The following GPM6A variants were observed in gnomAD, a reference collection of about 807,000 sequenced individuals.
GPM6A encodes the protein neuronal membrane glycoprotein M6-a.
Under a neutral mutation model 32.1 loss-of-function variants are expected in GPM6A, and 7 were observed. The ratio of observed to expected loss-of-function variants is 0.22; its 90% CI spans 0.12 to 0.41. The LOEUF (loss-of-function observed/expected upper bound fraction) is 0.41. Ranked by LOEUF, GPM6A falls within the 10% of genes least tolerant of loss-of-function variation. GPM6A has a pLI of 1.00. For missense variants in GPM6A, 235 were observed against 347.2 expected (o/e 0.68, Z 2.57); for synonymous variants, 130 against 123.4 (o/e 1.05, Z -0.35).
At chr4:175,956,768 A>C (rs762509671) in intron 1 of GPM6A, among the ~76,000 whole-genome samples, 12 of 151,900 alleles carry the variant, frequency 7.9e-5, no homozygotes, top group Non-Finnish European at 1.3e-4. Context: ...AATTTAATGT[A>C]ATTTTAATCC....
At position 175,746,895 on chromosome 4, in the gene GPM6A, T is replaced by C. The variant is rs73006347; in HGVS notation, c.38-45128A>G. 2.9e-3 allele frequency among the ~76,000 whole-genome samples: 435 copies of C among 152,296 alleles called. 3 individuals are homozygous for C. The highest frequency in any genetic ancestry group is 9.8e-3 in the African/African-American group (407 of 41,568). ...TTTGTGTGATGATTAGCAAGTACTA[T>C]AATTTGGAAAATTGTAACCCATTAA... On this transcript the variant is annotated intron_variant, in intron 1 of 6. Coordinates refer to ENST00000393658, the MANE Select transcript of GPM6A (RefSeq NM_201591.3).
chr4:175,919,675 C>G (rs1738604609), intron 1 of GPM6A, among the ~76,000 whole-genome samples: 1 of 152,176 alleles, frequency 6.6e-6, no homozygotes, highest in African/African-American at 2.4e-5. Context: ...CTCCTTCTCT[C>G]TCACATTAAC....
chr4:175,702,377 T>C (rs895293248), intron 1 of GPM6A, among the ~76,000 whole-genome samples: 1 of 152,216 alleles, frequency 6.6e-6, no homozygotes, highest in Non-Finnish European at 1.5e-5. Flanking sequence ...TAGACTATTT[T>C]TAACTATAAT....
chr4:175,949,596 T>C (rs1450850351), intron 1 of GPM6A, among the ~76,000 whole-genome samples: 2 of 152,228 alleles, frequency 1.3e-5, no homozygotes, highest in South Asian at 2.1e-4. Flanking sequence ...TCAAGGGCTG[T>C]TAAGCTGAAC....
In GPM6A at chr4:175,927,098, T is replaced by C. The variant is rs117340121; in HGVS notation, c.-23+75211A>G. Among the ~76,000 whole-genome samples, 63 of 152,376 alleles carry C rather than the reference T, an allele frequency of 4.1e-4. No individual in the cohort carries two copies. In the East Asian group the frequency reaches 0.011, roughly 27 times the overall value. On this transcript the variant is annotated intron_variant, in intron 1 of 7. Coordinates refer to the GPM6A transcript ENST00000280187. ...ATAATTTAAAATAAGTGTACACCTG[T>C]TGGATATGCATGTGGAAAATGTTTT...
intron 2 of GPM6A, among the ~76,000 whole-genome samples, chr4:175,684,593 A>G (rs546159337): frequency 6.6e-6 from 1 of 152,196 alleles, no homozygotes; most frequent in Non-Finnish European, 1.5e-5. Context: ...CTTTTTTTCA[A>G]AATGGCTGTC....
chr4:175,962,010 A>G (rs1007213494), intron 1 of GPM6A: 6 of 586,516 alleles, frequency 1.0e-5, no homozygotes, highest in Admixed American at 7.5e-5. Context: ...GGGGAGCACA[A>G]CTGAAAATGT....
chr4:175,874,437 T>A (rs1737015986), intron 1 of GPM6A, among the ~76,000 whole-genome samples: 1 of 151,940 alleles, frequency 6.6e-6, no homozygotes, highest in South Asian at 2.1e-4. Flanking sequence ...AGAGGACTGT[T>A]GATATTGGGA....
chr4:175,706,383 G>A (rs1046436717), intron 1 of GPM6A, among the ~76,000 whole-genome samples: 1 of 152,042 alleles, frequency 6.6e-6, no homozygotes, highest in African/African-American at 2.4e-5. Context: ...ACAAATAAAG[G>A]GAAAAGAACC....
At chr4:175,994,525 T>TA (rs920123711) in intron 1 of GPM6A, among the ~76,000 whole-genome samples, 7 of 151,938 alleles carry the variant, frequency 4.6e-5, no homozygotes, top group East Asian at 1.9e-4. Flanking sequence ...GCATTATGTC[T>TA]AAAAAAAACC....
chr4:175,684,343 A>G (rs746750138), intron 2 of GPM6A, among the ~76,000 whole-genome samples: 73 of 152,322 alleles, frequency 4.8e-4, no homozygotes, highest in African/African-American at 1.4e-3. Flanking sequence ...ATTACATCTC[A>G]TCTGGGATTT....
intron 2 of GPM6A, among the ~76,000 whole-genome samples, chr4:175,694,450 A>T (rs1744464822): frequency 6.6e-6 from 1 of 152,170 alleles, no homozygotes; most frequent in African/African-American, 2.4e-5. Context: ...CTTACTGGGA[A>T]CTGGAGCAAA....
At chr4:175,840,354 A>G (rs944002070) in intron 1 of GPM6A, among the ~76,000 whole-genome samples, 11 of 152,312 alleles carry the variant, frequency 7.2e-5, no homozygotes, top group African/African-American at 2.4e-4. Context: ...ATCTCTTTGC[A>G]TGTGGAAGAA....
chr4:175,912,953 C>T (rs1277094058), intron 1 of GPM6A, among the ~76,000 whole-genome samples: 4 of 151,992 alleles, frequency 2.6e-5, no homozygotes, highest in Non-Finnish European at 4.4e-5. Context: ...ACTAAAGTAC[C>T]ATATAATTTT....
upstream of GPM6A, chr4:175,812,536 T>C: frequency 9.3e-7 from 1 of 1,071,794 alleles, no homozygotes; most frequent in African/African-American, 1.7e-5. Flanking sequence ...ACAAATAGCC[T>C]GAGAATTTTG....
chr4:175,938,134 TAAAGA>T (rs1201695645), intron 1 of GPM6A, among the ~76,000 whole-genome samples: 7 of 152,206 alleles, frequency 4.6e-5, no homozygotes, highest in Non-Finnish European at 1.0e-4. Flanking sequence ...GGTACAAACA[TAAAGA>T]AAAGAAATAA....
intron 2 of GPM6A, among the ~76,000 whole-genome samples, chr4:175,685,509 G>C (rs901171931): frequency 7.9e-5 from 12 of 151,976 alleles, no homozygotes; most frequent in Non-Finnish European, 1.6e-4. Flanking sequence ...AAATGTTCCT[G>C]ATTTTTACAT....
chr4:175,904,087 T>C (rs1280555587), intron 1 of GPM6A, among the ~76,000 whole-genome samples: 1 of 152,132 alleles, frequency 6.6e-6, no homozygotes, highest in Non-Finnish European at 1.5e-5. Context: ...CACACTATTT[T>C]TTTCAATGTT....
Position 175,701,687 on chromosome 4 carries a change from C to T in GPM6A, c.118G>A (p.Val40Ile). The change falls in exon 2 of 7, where the codon GTT (valine) becomes ATT (isoleucine). Residue 40 changes from valine (V) to isoleucine (I), a missense_variant. Around this residue, in one of 3 missense-constraint regions of GPM6A, gnomAD observed 101 missense variants for 171.2 expected, o/e 0.59. Transcript: ENST00000393658. ...LIATILLYAG[V>I]ALFCGCGHEA... is the part of the protein sequence containing the mutation. ...TGACCGCAGCCACAGAACAGGGCAA[C>T]ACCCGCATAGAGCAGGATGGTGGCA... is the stretch of plus-strand genomic sequence containing the variant. 3.7e-6 allele frequency: 6 copies of T among 1,613,914 alleles called. No individual in the cohort carries two copies. The highest frequency in any genetic ancestry group is 5.1e-6 in the Non-Finnish European group (6 of 1,179,826).
Sources: allele counts gnomAD v4.1 joint callset (sites outside exome capture counted in the v4.1 genomes callset), GRCh38; gene constraint gnomAD v4.1.1; regional missense constraint gnomAD v4.1.1; transcripts MANE v1.5; gene names NCBI Gene and HGNC (gene_info 2026-07-23, HGNC 2026-07-21).